Variants in LIMS1 observed in about 807,000 individuals in gnomAD.
LIMS1 encodes the protein LIM zinc finger domain containing 1.
A neutral mutation model predicts 44.1 loss-of-function variants in LIMS1; 18 were observed. That is an observed-to-expected ratio of 0.41 (90% CI 0.28 to 0.61). The LOEUF (loss-of-function observed/expected upper bound fraction) is 0.61, where lower values mean the gene tolerates loss of function less well. Ranked by LOEUF, LIMS1 falls within the 20% of genes least tolerant of loss-of-function variation. The pLI is 0.32. For missense variants in LIMS1, 201 were observed against 422.0 expected, an observed-to-expected ratio of 0.48 and a Z score of 4.59; for synonymous variants, 93 against 149.1, an observed-to-expected ratio of 0.62 and a Z score of 2.74.
intron 2 of LIMS1, among the ~76,000 whole-genome samples, chr2:108,663,467 G>T (rs1691512196): frequency 6.6e-6 from 1 of 152,190 alleles, no homozygotes; most frequent in Non-Finnish European, 1.5e-5. Context: ...TCCAGTAAAA[G>T]AAGTATTTTA....
chr2:108,623,748 C>T (rs774746860), intron 1 of LIMS1, among the ~76,000 whole-genome samples: 1 of 152,178 alleles, frequency 6.6e-6, no homozygotes, highest in Admixed American at 6.5e-5. Context: ...AGACCCATTC[C>T]AGCTCTCATT....
At chr2:108,642,354 T>G (rs1297283000) in intron 1 of LIMS1, among the ~76,000 whole-genome samples, 1,045 of 10,640 alleles carry the variant, frequency 0.098, 17 homozygotes, top group Non-Finnish European at 0.1. Flanking sequence ...TTTTTTTTTT[T>G]TTTGTTTTTT....
At chr2:108,612,010 A>ATATTATATATATACATATAT in intron 1 of LIMS1, among the ~76,000 whole-genome samples, 1 of 136,728 alleles carries the variant, frequency 7.3e-6, no homozygotes, top group Non-Finnish European at 1.5e-5. Flanking sequence ...ATACACACAT[A>ATATTATATATATACATATAT]TATATATACA....
chr2:108,551,953 G>GTATA (rs10598934), intron 1 of LIMS1, among the ~76,000 whole-genome samples: 397 of 85,310 alleles, frequency 4.7e-3, no homozygotes, highest in African/African-American at 6.3e-3. Context: ...GTGTGTGTGT[G>GTATA]TATATATATA....
At chr2:108,581,774 C>G (rs1394840741) in intron 1 of LIMS1, among the ~76,000 whole-genome samples, 26 of 151,956 alleles carry the variant, frequency 1.7e-4, no homozygotes, top group Admixed American at 1.7e-3. Flanking sequence ...CCCATCGCTA[C>G]TAAAAATACA....
At chr2:108,646,999 G>A (rs1690113697) in intron 1 of LIMS1, among the ~76,000 whole-genome samples, 2 of 152,220 alleles carry the variant, frequency 1.3e-5, no homozygotes, top group East Asian at 1.9e-4. Context: ...GGGATTACAG[G>A]CATGAGTCAC....
intron 1 of LIMS1, among the ~76,000 whole-genome samples, chr2:108,624,811 G>C (rs1464761576): frequency 2.0e-5 from 3 of 151,842 alleles, no homozygotes; most frequent in Non-Finnish European, 4.4e-5. Flanking sequence ...GGGTGCGGTG[G>C]CTCACGCCTA....
intron 1 of LIMS1, among the ~76,000 whole-genome samples, chr2:108,631,917 CTTCACAT>C (rs1688952146): frequency 6.6e-6 from 1 of 152,152 alleles, no homozygotes; most frequent in Non-Finnish European, 1.5e-5. Context: ...TTCTCAGCTC[CTTCACAT>C]TTGGAACCGC....
intron 1 of LIMS1, among the ~76,000 whole-genome samples, chr2:108,627,563 C>T (rs1335916116): frequency 6.6e-6 from 1 of 151,762 alleles, no homozygotes; most frequent in Non-Finnish European, 1.5e-5. Context: ...GGTTGCTTTC[C>T]TGTTGGTTTT....
chr2:108,684,143 AAAG>A (rs1251764478), exon 10 of LIMS1: 7 of 467,392 alleles, frequency 1.5e-5, no homozygotes, highest in South Asian at 3.7e-5. Context: ...TTTAATTAAA[AAAG>A]AAAAATTCAT....
At chr2:108,542,164 TTTC>T (rs1443563130) in intron 1 of LIMS1, among the ~76,000 whole-genome samples, 1 of 152,182 alleles carries the variant, frequency 6.6e-6, no homozygotes, top group Non-Finnish European at 1.5e-5. Flanking sequence ...ACAGGATCAT[TTTC>T]TTTGGTTTAG....
intron 2 of LIMS1, among the ~76,000 whole-genome samples, chr2:108,665,538 T>C (rs899145451): frequency 1.3e-5 from 2 of 152,106 alleles, no homozygotes; most frequent in African/African-American, 4.8e-5. Context: ...ATTTATTTAT[T>C]TTTTTTGAGA....
At chr2:108,683,041 T>C (rs1164485860) in intron 9 of LIMS1, among the ~76,000 whole-genome samples, 1 of 152,206 alleles carries the variant, frequency 6.6e-6, no homozygotes, top group Non-Finnish European at 1.5e-5. Flanking sequence ...AAATTGATAA[T>C]GTGTGTTGCT....
intron 9 of LIMS1, among the ~76,000 whole-genome samples, chr2:108,682,066 G>A (rs1693040565): frequency 6.6e-6 from 1 of 152,074 alleles, no homozygotes; most frequent in African/African-American, 2.4e-5. Context: ...TGATTTTTAT[G>A]AGAAGTATTT....
chr2:108,569,052 C>T (rs1483815469), intron 1 of LIMS1, among the ~76,000 whole-genome samples: 4 of 152,042 alleles, frequency 2.6e-5, no homozygotes, highest in Non-Finnish European at 5.9e-5. Flanking sequence ...CCACCATGCC[C>T]AGCCAATTTT....
Position 108,676,588 on chromosome 2 carries a change from A to G in LIMS1, c.682-18A>G. 5 of 1,554,590 alleles carry G rather than the reference A, an allele frequency of 3.2e-6. No individual in the cohort carries two copies. Among genetic ancestry groups the G allele is most frequent in the Non-Finnish European group, 4.3e-6 (5 of 1,152,982 alleles). ...AAATATGGCAATTCAAAAATGACCT[A>G]TAGCAATTTTTTTTCAGCATTTTGT... is the stretch of plus-strand genomic sequence containing the variant. On this transcript the variant is annotated intron_variant, in intron 6 of 9. Transcript: ENST00000544547.
intron 1 of LIMS1, among the ~76,000 whole-genome samples, chr2:108,590,303 T>C (rs558687950): frequency 2.6e-5 from 4 of 152,360 alleles, no homozygotes; most frequent in East Asian, 3.9e-4. Context: ...GGAATAGTTA[T>C]AATGAACAGG....
intron 1 of LIMS1, among the ~76,000 whole-genome samples, chr2:108,575,949 C>T (rs1172621420): frequency 3.9e-5 from 6 of 152,118 alleles, no homozygotes; most frequent in African/African-American, 1.4e-4. Flanking sequence ...CGTGTGCTTG[C>T]ACCTGATCAG....
exon 5 of LIMS1, chr2:108,673,027 C>T (rs779262048): frequency 5.4e-5 from 70 of 1,305,868 alleles, no homozygotes; most frequent in Middle Eastern, 5.4e-4. Context: ...GCGCCAACTG[C>T]GGGTACTGGA....
Sources: gnomAD v4.1 joint callset for allele counts (sites outside exome capture counted in the v4.1 genomes callset) on GRCh38, gnomAD v4.1.1 for gene constraint, MANE v1.5 for transcripts, NCBI Gene and HGNC (gene_info 2026-07-23, HGNC 2026-07-21) for gene names.